The following OCA2 variants were observed in gnomAD, a reference collection of about 807,000 sequenced individuals.
OCA2 encodes P protein.
A neutral mutation model predicts 100.2 loss-of-function variants in OCA2; 77 were observed. The ratio of observed to expected loss-of-function variants is 0.77; its 90% CI spans 0.64 to 0.93. The LOEUF (loss-of-function observed/expected upper bound fraction) is 0.93, where lower values mean the gene tolerates loss of function less well. Ranked by LOEUF, OCA2 falls within the 40% of genes least tolerant of loss-of-function variation. OCA2 has a pLI of 0.00. For synonymous variants in OCA2, 432 were observed against 439.2 expected, an observed-to-expected ratio of 0.98 and a Z score of 0.21; for missense variants, 1,062 against 1,089.1, an observed-to-expected ratio of 0.98 and a Z score of 0.35.
At chr15:28,078,817 C>G (rs1234105099) in intron 2 of OCA2, among the ~76,000 whole-genome samples, 2 of 152,198 alleles carry the variant, frequency 1.3e-5, no homozygotes, top group African/African-American at 4.8e-5. Context: ...GGCAATAGAT[C>G]CTGAATTCAC....
rs572299403 is a variant in OCA2 at position 27,775,108 on chromosome 15, G to C, written c.2433-19636C>G. ...TGTGTGTGTGTGTGTGTGTGTCTGTGTGTTTGTTAATAAGAAGCTGGGCCC... is the reference window on the plus strand; with the variant it reads ...TGTGTGTGTGTGTGTGTGTGTCTGTCTGTTTGTTAATAAGAAGCTGGGCCC... On this transcript the variant is annotated intron_variant, in intron 23 of 23. Coordinates refer to ENST00000354638, the MANE Select transcript of OCA2 (RefSeq NM_000275.3). Among the ~76,000 whole-genome samples the C allele has an allele frequency of 1.4e-3, 206 of 151,098 alleles. 1 individual carries two copies. The highest frequency in any genetic ancestry group is 3.7e-3 in the African/African-American group (151 of 41,196).
At chr15:27,726,407 A>AAG in the OCA2 span, among the ~76,000 whole-genome samples, 5 of 152,196 alleles carry the variant, frequency 3.3e-5, no homozygotes, top group African/African-American at 1.2e-4. Flanking sequence ...TAAAAAAGAA[A>AAG]TGGTTTAAAA....
chr15:27,983,952 T>C (rs1421507374), intron 13 of OCA2, among the ~76,000 whole-genome samples: 1 of 151,022 alleles, frequency 6.6e-6, no homozygotes, highest in Admixed American at 6.6e-5. Flanking sequence ...ATCTATGTAT[T>C]TTCTATGTAT....
intron 23 of OCA2, among the ~76,000 whole-genome samples, chr15:27,825,201 G>A (rs185090866): frequency 3.9e-5 from 6 of 152,222 alleles, no homozygotes; most frequent in South Asian, 2.1e-4. Context: ...TGGCCCACAC[G>A]GAGGAGGGCA....
intron 17 of OCA2, among the ~76,000 whole-genome samples, chr15:27,954,231 T>G (rs1182043012): frequency 1.3e-5 from 2 of 152,054 alleles, no homozygotes; most frequent in Non-Finnish European, 2.9e-5. Context: ...CTCCATTTCA[T>G]CTCACTGTAG....
intron 1 of OCA2, among the ~76,000 whole-genome samples, chr15:28,098,129 C>T (rs1262299071): frequency 6.6e-6 from 1 of 152,198 alleles, no homozygotes; most frequent in Admixed American, 6.5e-5. Context: ...ATTTGCTTTT[C>T]ATCAGTGTAA....
chr15:28,015,973 T>C (rs933724504), intron 8 of OCA2, 131 bp downstream of exon 8: 2 of 743,992 alleles, frequency 2.7e-6, no homozygotes, highest in African/African-American at 3.4e-5. Flanking sequence ...CTACACAGCA[T>C]GAGTGCCGTG....
chr15:28,023,262 G>A (rs1312978620), intron 5 of OCA2, among the ~76,000 whole-genome samples: 1 of 152,194 alleles, frequency 6.6e-6, no homozygotes, highest in Non-Finnish European at 1.5e-5. Flanking sequence ...TGCTTTCAGA[G>A]CTCAATGTAA....
At position 27,905,186 on chromosome 15, in the gene OCA2, C is replaced by T. The variant is rs536949141; in HGVS notation, c.2079+20941G>A. Among the ~76,000 whole-genome samples the T allele has an allele frequency of 1.6e-4, 22 of 137,194 alleles. No homozygotes were observed. In the Admixed American group the frequency reaches 1.7e-3, roughly 10 times the overall value. The allele number at this position is 137,194 out of a possible 152,430, so 90.0% of individuals were successfully genotyped here. On this transcript the variant is annotated intron_variant, in intron 19 of 23. Transcript: ENST00000354638. Reference sequence around the variant, plus strand: ...CTCAAAAAAAAAAAAAAAAAATTGGCAATGTGGACAGCTGAGGACAATGGC... The same window carrying T: ...CTCAAAAAAAAAAAAAAAAAATTGGTAATGTGGACAGCTGAGGACAATGGC...
At chr15:27,958,165 C>T (rs1027423933) in intron 15 of OCA2, among the ~76,000 whole-genome samples, 3 of 151,928 alleles carry the variant, frequency 2.0e-5, no homozygotes, top group African/African-American at 4.8e-5. Flanking sequence ...CAAACCTGCA[C>T]GTTGTGCACA....
chr15:28,014,405 C>T (rs376600596), intron 9 of OCA2, among the ~76,000 whole-genome samples: 33 of 152,284 alleles, frequency 2.2e-4, no homozygotes, highest in East Asian at 3.9e-4. Flanking sequence ...TGCAGGTGGG[C>T]GCAAATGAGC....
At chr15:27,934,822 C>T (rs1454285722) in intron 18 of OCA2, among the ~76,000 whole-genome samples, 1 of 152,216 alleles carries the variant, frequency 6.6e-6, no homozygotes, top group Non-Finnish European at 1.5e-5. Context: ...TAGAAAAATT[C>T]CCTGCAATAG....
intron 3 of OCA2, among the ~76,000 whole-genome samples, chr15:28,029,899 T>C (rs1237555459): frequency 2.6e-5 from 4 of 152,218 alleles, no homozygotes; most frequent in African/African-American, 9.7e-5. Flanking sequence ...AGCTGACCCA[T>C]GTTCTACTCC....
At chr15:27,828,595 G>C (rs946981095) in intron 23 of OCA2, among the ~76,000 whole-genome samples, 9 of 152,304 alleles carry the variant, frequency 5.9e-5, no homozygotes, top group Admixed American at 4.6e-4. Context: ...TGTAGCTAGA[G>C]AGTCCCATGG....
At chr15:28,068,039 T>C (rs2044079489) in intron 2 of OCA2, among the ~76,000 whole-genome samples, 1 of 152,226 alleles carries the variant, frequency 6.6e-6, no homozygotes, top group African/African-American at 2.4e-5. Context: ...ATATTTAGGA[T>C]AGTTAAGGTT....
intron 16 of OCA2, among the ~76,000 whole-genome samples, chr15:27,956,766 C>T (rs552465109): frequency 4.3e-4 from 66 of 152,322 alleles, no homozygotes; most frequent in African/African-American, 1.4e-3. Flanking sequence ...GGCACTGAGC[C>T]GGCACTTCAT....
At chr15:27,750,475 A>G (rs1202248909), downstream of OCA2, among the ~76,000 whole-genome samples, 3 of 152,194 alleles carry the variant, frequency 2.0e-5, no homozygotes, top group East Asian at 1.9e-4. Context: ...AATATTGGGC[A>G]TATAGAGAAA....
chr15:27,803,118 A>T (rs183106936), intron 23 of OCA2, among the ~76,000 whole-genome samples: 35 of 152,384 alleles, frequency 2.3e-4, no homozygotes, highest in African/African-American at 8.4e-4. Context: ...TTATCAAAGG[A>T]GAAATACAAA....
intron 5 of OCA2, among the ~76,000 whole-genome samples, chr15:28,023,219 A>T (rs2042648396): frequency 6.6e-6 from 1 of 152,202 alleles, no homozygotes; most frequent in Non-Finnish European, 1.5e-5. Flanking sequence ...GAAGTGGGGA[A>T]GCAAATTGGT....
Sources: allele counts gnomAD v4.1 joint callset (sites outside exome capture counted in the v4.1 genomes callset), GRCh38; gene constraint gnomAD v4.1.1; transcripts MANE v1.5; gene names NCBI Gene and HGNC (gene_info 2026-07-23, HGNC 2026-07-21).